Variants in UNC5C observed in about 807,000 individuals in gnomAD.
The protein encoded by UNC5C is unc-5 netrin receptor C.
In UNC5C, 47 loss-of-function variants were observed where a neutral mutation model predicts 99.8. The ratio of observed to expected loss-of-function variants is 0.47; its 90% CI spans 0.37 to 0.60. UNC5C has a LOEUF of 0.60. UNC5C is among the 20% of genes least tolerant of loss of function. The pLI is 0.00. For missense variants in UNC5C, 1,062 were observed against 1,165.9 expected (o/e 0.91, Z 1.30); for synonymous variants, 487 against 452.2 (o/e 1.08, Z -0.98).
chr4:95,353,595 T>G (rs1260973391), intron 1 of UNC5C, among the ~76,000 whole-genome samples: 1 of 151,952 alleles, frequency 6.6e-6, no homozygotes, highest in South Asian at 2.1e-4. Context: ...TAGGCTAAGA[T>G]AGTGAAGGAG....
chr4:95,533,923 G>A (rs1722713071), intron 1 of UNC5C, among the ~76,000 whole-genome samples: 1 of 152,070 alleles, frequency 6.6e-6, no homozygotes, highest in Admixed American at 6.6e-5. Context: ...AATGTTCTAG[G>A]TAGCATAAAA....
At chr4:95,475,722 C>G (rs1053228844) in intron 1 of UNC5C, among the ~76,000 whole-genome samples, 2 of 152,034 alleles carry the variant, frequency 1.3e-5, no homozygotes, top group South Asian at 2.1e-4. Flanking sequence ...AGCTACCCAC[C>G]TGGGAAAACT....
At chr4:95,259,813 G>T (rs1404420124) in intron 4 of UNC5C, among the ~76,000 whole-genome samples, 1 of 152,076 alleles carries the variant, frequency 6.6e-6, no homozygotes, top group Non-Finnish European at 1.5e-5. Context: ...AGGCATAAAT[G>T]ATAGGCAATT....
intron 1 of UNC5C, among the ~76,000 whole-genome samples, chr4:95,434,156 T>C (rs529367121): frequency 1.3e-5 from 2 of 152,256 alleles, no homozygotes; most frequent in African/African-American, 4.8e-5. Context: ...ATCCACTAGT[T>C]CATCTAACAC....
chr4:95,164,363 A>G lies in UNC5C; in HGVS notation c.*4871T>C, dbSNP rs989800058. 1.3e-5 allele frequency: 2 copies of G among 152,220 alleles called. No homozygotes were observed. Among genetic ancestry groups the G allele is most frequent in the Non-Finnish European group, 2.9e-5 (2 of 68,046 alleles). 9.4% of individuals were successfully genotyped at this position (152,220 alleles called of 1,614,324 possible). A position where few individuals can be genotyped will look rare whatever the true frequency, so the allele number is the denominator to read the frequency against. On this transcript the variant is annotated 3_prime_UTR_variant, in exon 16 of 16. Coordinates refer to ENST00000453304, the MANE Select transcript of UNC5C (RefSeq NM_003728.4). The stretch of plus-strand genomic sequence containing the variant: ...TTAAAAAGAAATAATTAGAGATGCA[A>G]AGGAAATCTTCCAAAGTGATCATTA...
intron 10 of UNC5C, among the ~76,000 whole-genome samples, chr4:95,214,918 A>G (rs1476876377): frequency 2.6e-5 from 4 of 152,310 alleles, no homozygotes; most frequent in South Asian, 2.1e-4. Context: ...AAAAAAATGA[A>G]TATTTGATGT....
rs1476727947 is a variant in UNC5C at position 95,195,147 on chromosome 4, T to C, written c.2136+7584A>G. ...CATGGCAAACAGTGTCTGGTGTCTA[T>C]TTTGTGCCAGGAGATTTAATAACTT... On this transcript the variant is annotated intron_variant, in intron 12 of 15. Coordinates refer to ENST00000453304, the MANE Select transcript of UNC5C (RefSeq NM_003728.4). Among the ~76,000 whole-genome samples the C allele has an allele frequency of 2.0e-5, 3 of 152,180 alleles. No homozygotes were observed. The East Asian group carries it at 5.8e-4, about 29-fold the overall frequency.
intron 10 of UNC5C, among the ~76,000 whole-genome samples, chr4:95,213,788 G>T (rs957961366): frequency 6.6e-6 from 1 of 152,204 alleles, no homozygotes; most frequent in Non-Finnish European, 1.5e-5. Flanking sequence ...TTCTTCCAAA[G>T]AAGTTCTGTC....
chr4:95,202,373 A>G (rs1230981140), intron 12 of UNC5C, among the ~76,000 whole-genome samples: 2 of 152,232 alleles, frequency 1.3e-5, no homozygotes, highest in African/African-American at 4.8e-5. Context: ...CACCAGAGGA[A>G]CATACAGTGT....
At chr4:95,304,793 C>T (rs143056721) in intron 2 of UNC5C, among the ~76,000 whole-genome samples, 6 of 152,282 alleles carry the variant, frequency 3.9e-5, no homozygotes, top group Non-Finnish European at 5.9e-5. Context: ...CTAATATGCT[C>T]AGGATATTAC....
intron 12 of UNC5C, among the ~76,000 whole-genome samples, chr4:95,188,951 G>A (rs11724291): frequency 0.12 from 18,293 of 152,170 alleles, 3,299 homozygotes; most frequent in African/African-American, 0.39. Context: ...ACCACTTCCA[G>A]ACAGGCTGCT....
chr4:95,388,125 A>G (rs1456532606), intron 1 of UNC5C, among the ~76,000 whole-genome samples: 2 of 152,206 alleles, frequency 1.3e-5, no homozygotes, highest in Non-Finnish European at 2.9e-5. Flanking sequence ...ATAGGAGTCT[A>G]GGAACATGAA....
At chr4:95,344,877 C>T (rs944815436) in intron 1 of UNC5C, among the ~76,000 whole-genome samples, 6 of 151,514 alleles carry the variant, frequency 4.0e-5, no homozygotes, top group African/African-American at 1.2e-4. Flanking sequence ...TTTAAAAATG[C>T]CAACTGAGGA....
chr4:95,280,687 T>TCAACAACAA lies in UNC5C; in HGVS notation c.491-2334_491-2326dup, dbSNP rs58348747. Among the ~76,000 whole-genome samples the TCAACAACAA allele has an allele frequency of 1.1e-3, 167 of 150,938 alleles. 1 individual carries two copies. The highest frequency in any genetic ancestry group is 6.9e-3 in the Middle Eastern group (2 of 290). Reference sequence around the variant, plus strand: ...CTGGGTGAAAGAGTGAGACCCCATCTCAACAACAACAACAACAACAACAAG... The same window carrying TCAACAACAA: ...CTGGGTGAAAGAGTGAGACCCCATCTCAACAACAACAACAACAACAACAACAACAACAAG... On this transcript the variant is annotated intron_variant, in intron 3 of 15. Coordinates refer to ENST00000453304, the MANE Select transcript of UNC5C (RefSeq NM_003728.4).
intron 1 of UNC5C, among the ~76,000 whole-genome samples, chr4:95,377,654 CAAAG>C (rs1400894528): frequency 6.6e-6 from 1 of 151,914 alleles, no homozygotes; most frequent in African/African-American, 2.4e-5. Flanking sequence ...TCTTTGCCAG[CAAAG>C]AAAGACCTCT....
At chr4:95,408,630 G>A (rs1745892353) in intron 1 of UNC5C, among the ~76,000 whole-genome samples, 1 of 152,128 alleles carries the variant, frequency 6.6e-6, no homozygotes, top group African/African-American at 2.4e-5. Context: ...TAATAAGAAA[G>A]AGAATCAAGT....
chr4:95,219,165 G>A lies in UNC5C; in HGVS notation c.1449C>T (p.Asn483=), dbSNP rs758897640. The A allele has an allele frequency of 1.2e-5, 20 of 1,614,166 alleles. No homozygotes were observed. The highest frequency in any genetic ancestry group is 1.4e-5 in the Non-Finnish European group (16 of 1,180,028). ...PLPNLKIKVY[N]TSGAVTPQDD... ...CTTGGGGGGTGACAGCACCTGAGGT[G>A]TTGTACACTTTGATTTTCAGGTTGG... Residue 483 remains asparagine, a synonymous_variant, in exon 9 of 16, where the codon AAC becomes AAT. Transcript: ENST00000453304.
At chr4:95,507,197 T>G (rs1721946707) in intron 1 of UNC5C, among the ~76,000 whole-genome samples, 1 of 152,024 alleles carries the variant, frequency 6.6e-6, no homozygotes, top group Non-Finnish European at 1.5e-5. Context: ...TTTTCAATTC[T>G]TCTTTAATAT....
intron 3 of UNC5C, among the ~76,000 whole-genome samples, chr4:95,284,128 T>A (rs573675797): frequency 4.5e-4 from 68 of 152,310 alleles, no homozygotes; most frequent in South Asian, 2.3e-3. Flanking sequence ...TCAGTGATTT[T>A]TTTTTTGCAC....
Sources: gnomAD v4.1 joint callset for allele counts (sites outside exome capture counted in the v4.1 genomes callset) on GRCh38, gnomAD v4.1.1 for gene constraint, MANE v1.5 for transcripts, NCBI Gene and HGNC (gene_info 2026-07-23, HGNC 2026-07-21) for gene names.